Variants in SKAP1 observed in about 807,000 individuals in gnomAD.
SKAP1 encodes src kinase-associated phosphoprotein 1.
Under a neutral mutation model 58.5 loss-of-function variants are expected in SKAP1, and 44 were observed. That is an observed-to-expected ratio of 0.75 (90% CI 0.59 to 0.97). The LOEUF is 0.97. SKAP1 is among the 50% of genes least tolerant of loss of function. The pLI is 0.00. For synonymous variants in SKAP1, 127 were observed against 149.7 expected (o/e 0.85, Z 1.11); for missense variants, 390 against 435.2 (o/e 0.90, Z 0.92).
chr17:48,417,205 G>A (rs969008248), intron 1 of SKAP1, among the ~76,000 whole-genome samples: 10 of 152,144 alleles, frequency 6.6e-5, no homozygotes, highest in African/African-American at 2.4e-4. Context: ...GGCTAGGTTC[G>A]ACCTGCTAAC....
At chr17:48,267,338 C>G (rs921268558) in intron 4 of SKAP1, among the ~76,000 whole-genome samples, 9 of 152,080 alleles carry the variant, frequency 5.9e-5, no homozygotes, top group African/African-American at 2.2e-4. Flanking sequence ...TTCTCACAAT[C>G]AAAAAATAAT....
chr17:48,136,176 C>CT (rs371757135), intron 12 of SKAP1, among the ~76,000 whole-genome samples: 217 of 127,128 alleles, frequency 1.7e-3, no homozygotes, highest in Admixed American at 2.3e-3. Flanking sequence ...TTTTCTCTCT[C>CT]TTTTTTTTTT....
chr17:48,280,781 A>G (rs1300090299), intron 4 of SKAP1, among the ~76,000 whole-genome samples: 1 of 152,156 alleles, frequency 6.6e-6, no homozygotes, highest in African/African-American at 2.4e-5. Context: ...CTAATATTTT[A>G]TGTCTGGCTT....
chr17:48,439,036 C>A, the SKAP1 span, among the ~76,000 whole-genome samples: 1 of 152,224 alleles, frequency 6.6e-6, no homozygotes, highest in Non-Finnish European at 1.5e-5. Context: ...TCAAACAGAT[C>A]CACTTCATTT....
At chr17:48,293,447 T>C (rs1351125598) in intron 4 of SKAP1, among the ~76,000 whole-genome samples, 1 of 152,212 alleles carries the variant, frequency 6.6e-6, no homozygotes, top group Admixed American at 6.5e-5. Flanking sequence ...GGTGTATTAA[T>C]CACCTAAATG....
intron 2 of SKAP1, among the ~76,000 whole-genome samples, chr17:48,375,989 A>T (rs2067145756): frequency 6.6e-6 from 1 of 152,184 alleles, no homozygotes; most frequent in Non-Finnish European, 1.5e-5. Context: ...AAAGTCAGAG[A>T]CGCCTTTCGG....
chr17:48,262,857 G>T (rs1860903203), intron 4 of SKAP1, among the ~76,000 whole-genome samples: 2 of 152,188 alleles, frequency 1.3e-5, no homozygotes, highest in African/African-American at 2.4e-5. Flanking sequence ...GCAAACAAAA[G>T]AAGTAGAAGA....
chr17:48,439,144 G>A, the SKAP1 span, among the ~76,000 whole-genome samples: 2 of 152,176 alleles, frequency 1.3e-5, no homozygotes, highest in Non-Finnish European at 1.5e-5. Context: ...AGTGCCTTGT[G>A]GATCAAGCTG....
intron 3 of SKAP1, among the ~76,000 whole-genome samples, chr17:48,354,296 C>A (rs962873548): frequency 6.6e-6 from 1 of 152,138 alleles, no homozygotes; most frequent in African/African-American, 2.4e-5. Flanking sequence ...ACAGCCAAAA[C>A]CTCTCACTGT....
chr17:48,219,406 C>A (rs760615512), intron 4 of SKAP1, among the ~76,000 whole-genome samples: 4 of 152,214 alleles, frequency 2.6e-5, no homozygotes, highest in African/African-American at 4.8e-5. Context: ...AAATAAAGCA[C>A]CAGTTCTGCC....
chr17:48,316,683 T>C (rs1470078169), intron 4 of SKAP1, among the ~76,000 whole-genome samples: 1 of 152,202 alleles, frequency 6.6e-6, no homozygotes, highest in Admixed American at 6.5e-5. Flanking sequence ...TCCTCAATGA[T>C]AAATGAATAG....
chr17:48,308,571 T>C (rs1485028669), intron 4 of SKAP1: 1 of 152,198 alleles, frequency 6.6e-6, no homozygotes, highest in Non-Finnish European at 1.5e-5. Flanking sequence ...ATGTTGCATA[T>C]TTCATAAATG....
rs547184782 is a variant in SKAP1, at chr17:48,236,194, T to C, written c.281-46694A>G. 9.8e-5 allele frequency among the ~76,000 whole-genome samples: 15 copies of C among 152,330 alleles called. No homozygotes were observed. In the South Asian group the frequency reaches 2.3e-3, roughly 23 times the overall value. On this transcript the variant is annotated intron_variant, in intron 4 of 12. Coordinates refer to ENST00000336915, the MANE Select transcript of SKAP1 (RefSeq NM_003726.4). ...TATTCCTTCACTTATTCAATAAACA[T>C]ACACTGAGCACCTTCAAAGTTTTAG...
chr17:48,261,586 A>G (rs970726281), intron 4 of SKAP1, among the ~76,000 whole-genome samples: 15 of 152,174 alleles, frequency 9.9e-5, no homozygotes, highest in Non-Finnish European at 1.9e-4. Flanking sequence ...AGCAGGAAGC[A>G]TAACTCAGGC....
chr17:48,308,403 T>G (rs1359009001), intron 4 of SKAP1: 1 of 152,220 alleles, frequency 6.6e-6, no homozygotes, highest in East Asian at 1.9e-4. Context: ...ACTTTTGGAT[T>G]TGATATTTTA....
In SKAP1 at chr17:48,184,795, G is replaced by A. The variant is rs1346440647; in HGVS notation, c.495C>T (p.Ala165=). The A allele has an allele frequency of 6.2e-7, 1 of 1,614,002 alleles. No individual in the cohort carries two copies. Among genetic ancestry groups the A allele is most frequent in the East Asian group, 2.2e-5 (1 of 44,868 alleles). ...FLIKGYGVRM[A]PHLRRDSKKE... ...TCTTGGAATCTCTTCGCAGGTGGGG[G>A]GCCATCCGTACACCGTAGCCCTTAA... Residue 165 remains alanine (A), a synonymous_variant, in exon 7 of 13, where the codon GCC becomes GCT. Transcript: ENST00000336915.
chr17:48,410,657 T>C (rs1239335365), intron 1 of SKAP1, among the ~76,000 whole-genome samples: 2 of 151,786 alleles, frequency 1.3e-5, no homozygotes, highest in Non-Finnish European at 2.9e-5. Flanking sequence ...TCGGGCGTAG[T>C]GGCTCACATC....
At chr17:48,297,870 A>T (rs1426706988) in intron 4 of SKAP1, among the ~76,000 whole-genome samples, 2 of 152,230 alleles carry the variant, frequency 1.3e-5, no homozygotes, top group Non-Finnish European at 2.9e-5. Context: ...TCGCAGTCTT[A>T]CTTAAGCCAA....
At chr17:48,216,249 G>T (rs1348813941) in intron 4 of SKAP1, among the ~76,000 whole-genome samples, 1 of 152,112 alleles carries the variant, frequency 6.6e-6, no homozygotes, top group African/African-American at 2.4e-5. Context: ...GAGGAAAATG[G>T]TGCCAGCTAC....
Sources: allele counts gnomAD v4.1 joint callset (sites outside exome capture counted in the v4.1 genomes callset), GRCh38; gene constraint gnomAD v4.1.1; transcripts MANE v1.5; gene names NCBI Gene and HGNC (gene_info 2026-07-23, HGNC 2026-07-21).